USP47: variants seen among roughly 807,000 people sequenced by gnomAD.
The protein encoded by USP47 is ubiquitin carboxyl-terminal hydrolase 47.
In USP47, 35 loss-of-function variants were observed where a neutral mutation model predicts 165.1. The ratio of observed to expected loss-of-function variants is 0.21; its 90% confidence interval spans 0.16 to 0.28. The LOEUF is 0.28. Among genes scored for constraint, USP47 ranks in the 10% least tolerant of loss-of-function variants. The probability of loss-of-function intolerance (pLI) is 1.00; values close to 1 mark genes in which losing one functional copy is unlikely to be tolerated. For missense variants in USP47, 1,277 were observed against 1,607.4 expected (o/e 0.79, Z 3.52); for synonymous variants, 531 against 544.5 (o/e 0.98, Z 0.35).
intron 4 of USP47, among the ~76,000 whole-genome samples, chr11:11,894,845 A>G (rs1372781602): frequency 2.0e-5 from 3 of 152,210 alleles, no homozygotes; most frequent in Admixed American, 6.5e-5. Context: ...AAAATAAAAA[A>G]GTGAAAATAA....
rs779879932 is a variant in USP47, at chr11:11,936,392, A to G, written c.1959A>G (p.Glu653=). 11 of 1,610,674 alleles carry G rather than the reference A, an allele frequency of 6.8e-6. No individual in the cohort carries two copies. The South Asian group carries it at 8.8e-5, about 13-fold the overall frequency. ...EFHDYLERSY[E]GEEDTPMGLL... ...ATGATTATCTAGAACGGTCATATGA[A>G]GGAGAAGAAGATACACCAATGGGGC... The change falls in exon 17 of 28, where the codon GAA becomes GAG. Residue 653 remains glutamate (E), a synonymous_variant. Transcript: ENST00000527733.
intron 1 of USP47, among the ~76,000 whole-genome samples, chr11:11,863,770 A>G (rs1412552144): frequency 4.6e-5 from 7 of 151,980 alleles, no homozygotes; most frequent in Non-Finnish European, 5.9e-5. Flanking sequence ...ATTTATTTTA[A>G]TGTTTAAGTT....
At chr11:11,953,850 A>AT (rs1856378666) in intron 25 of USP47, among the ~76,000 whole-genome samples, 1 of 152,248 alleles carries the variant, frequency 6.6e-6, no homozygotes, top group Admixed American at 6.5e-5. Flanking sequence ...CAGACAATAT[A>AT]TACCTTTGAT....
chr11:11,955,904 T>G, intron 27 of USP47, 97 bp from the exon 28 acceptor site: 2 of 985,578 alleles, frequency 2.0e-6, no homozygotes, highest in South Asian at 3.8e-5. Flanking sequence ...GTAACAGATT[T>G]CATTATCTTG....
At position 11,892,116 on chromosome 11, in the gene USP47, G is replaced by A; in HGVS notation, c.496+10G>A. On this transcript the variant is annotated intron_variant, in intron 4 of 27. Coordinates refer to ENST00000527733, the MANE Select transcript of USP47 (RefSeq NM_001282659.2). ...AATAAATCAGAAACTGGTAAGATTT[G>A]TTGTATTTTCATAAAATCATAGGGC... The A allele has an allele frequency of 6.2e-7, 1 of 1,609,524 alleles. No individual in the cohort carries two copies. Among genetic ancestry groups the A allele is most frequent in the Non-Finnish European group, 8.5e-7 (1 of 1,178,182 alleles).
At chr11:11,860,959 C>G (rs778519713) in intron 1 of USP47, among the ~76,000 whole-genome samples, 91 of 152,194 alleles carry the variant, frequency 6.0e-4, no homozygotes, top group Non-Finnish European at 1.1e-3. Flanking sequence ...CATCAGAAGG[C>G]CTCTGTTATT....
At chr11:11,913,900 A>G (rs1162285583) in intron 8 of USP47, among the ~76,000 whole-genome samples, 1 of 152,116 alleles carries the variant, frequency 6.6e-6, no homozygotes, top group Non-Finnish European at 1.5e-5. Flanking sequence ...GTGTCAAAAA[A>G]ACTTTGAAAA....
Position 11,880,204 on chromosome 11 carries a change from G to T in USP47, c.67G>T (p.Val23Phe), listed in dbSNP as rs1407846384. ...AGAAAATGCTGCTGAAGAACCTAGA[G>T]TCTTATGTATTATACAAGATACTAC... ...EIENAAEEPRVLCIIQDTTNS... is the reference protein window; with the variant it reads ...EIENAAEEPRFLCIIQDTTNS... Residue 23 changes from valine (V) to phenylalanine (F), a missense_variant, in exon 2 of 28, where the codon GTC becomes TTC. Transcript: ENST00000527733. 2 of 1,475,964 alleles carry T rather than the reference G, an allele frequency of 1.4e-6. No homozygotes were observed. Among genetic ancestry groups the T allele is most frequent in the African/African-American group, 1.5e-5 (1 of 68,494 alleles). The allele number at this position is 1,475,964 out of a possible 1,614,324, so 91.4% of individuals were successfully genotyped here.
intron 11 of USP47, 108 bp from the exon 12 acceptor site, chr11:11,929,326 G>A (rs1854484556): frequency 6.9e-7 from 1 of 1,455,004 alleles, no homozygotes; most frequent in Non-Finnish European, 9.2e-7. Flanking sequence ...GTAATATATA[G>A]GACAACTTAC....
chr11:11,930,354 G>T (rs1410411728), intron 13 of USP47, among the ~76,000 whole-genome samples: 1 of 152,118 alleles, frequency 6.6e-6, no homozygotes, highest in African/African-American at 2.4e-5. Flanking sequence ...TTGCAGCACA[G>T]ACCATATGGC....
At chr11:11,954,420 C>T (rs2134904700) in intron 25 of USP47, among the ~76,000 whole-genome samples, 2 of 152,160 alleles carry the variant, frequency 1.3e-5, no homozygotes, top group South Asian at 4.2e-4. Context: ...CAAGCACATG[C>T]CACCACGCCC....
At chr11:11,932,321 A>G (rs1435416625) in intron 14 of USP47, among the ~76,000 whole-genome samples, 2 of 152,216 alleles carry the variant, frequency 1.3e-5, no homozygotes, top group Non-Finnish European at 2.9e-5. Context: ...ATTCCAATTC[A>G]ACATGAGATT....
intron 5 of USP47, among the ~76,000 whole-genome samples, chr11:11,899,245 A>G (rs1852038912): frequency 6.6e-6 from 1 of 152,224 alleles, no homozygotes; most frequent in Admixed American, 6.5e-5. Flanking sequence ...TGCCTGTTTT[A>G]GGGAGTATGC....
chr11:11,897,503 C>A, intron 4 of USP47, 94 bp from the exon 5 acceptor site: 2 of 953,990 alleles, frequency 2.1e-6, no homozygotes, highest in Non-Finnish European at 3.1e-6. Flanking sequence ...TAACTTTAAC[C>A]TCTGAATCTT....
At chr11:11,899,920 A>G (rs1002463171) in intron 5 of USP47, among the ~76,000 whole-genome samples, 1 of 152,066 alleles carries the variant, frequency 6.6e-6, no homozygotes, top group African/African-American at 2.4e-5. Context: ...GCTAGTGGAA[A>G]AGGATAGACT....
chr11:11,845,021 A>C (rs1848349828), intron 1 of USP47, among the ~76,000 whole-genome samples: 2 of 152,192 alleles, frequency 1.3e-5, no homozygotes, highest in Admixed American at 6.5e-5. Context: ...TTGTTGAAGA[A>C]AAAAAGTCAA....
In USP47 at chr11:11,950,507, A is replaced by G. The variant is rs11022090; in HGVS notation, c.3583+25A>G. On this transcript the variant is annotated intron_variant, in intron 24 of 27. Coordinates refer to ENST00000527733, the MANE Select transcript of USP47 (RefSeq NM_001282659.2). ...GGTATTTTCAATATTTTTGGGGGGAAGTATCAGTTAGAAATACTCTAGAAC... is the reference window on the plus strand; with the variant it reads ...GGTATTTTCAATATTTTTGGGGGGAGGTATCAGTTAGAAATACTCTAGAAC... 0.3 allele frequency: 449,989 copies of G among 1,482,284 alleles called. 71,506 individuals are homozygous for G. The highest frequency in any genetic ancestry group is 0.33 in the Non-Finnish European group (354,169 of 1,074,684). 91.8% of individuals were successfully genotyped at this position (1,482,284 alleles called of 1,614,324 possible). A position where few individuals can be genotyped will look rare whatever the true frequency, so the allele number is the denominator to read the frequency against.
At chr11:11,865,418 A>G (rs1564855522) in intron 1 of USP47, among the ~76,000 whole-genome samples, 1 of 151,076 alleles carries the variant, frequency 6.6e-6, no homozygotes, top group East Asian at 1.9e-4. Flanking sequence ...TTCTTTTGTC[A>G]TCTTCATTCT....
At position 11,958,870 on chromosome 11, in the gene USP47, C is replaced by T. The variant is rs1847333987; in HGVS notation, c.*2695C>T. 1 of 152,032 alleles carries T rather than the reference C, an allele frequency of 6.6e-6. No homozygotes were observed. The highest frequency in any genetic ancestry group is 6.5e-5 in the Admixed American group (1 of 15,276). 9.4% of individuals were successfully genotyped at this position (152,032 alleles called of 1,614,324 possible). On this transcript the variant is annotated 3_prime_UTR_variant, in exon 28 of 28. Coordinates refer to ENST00000527733, the MANE Select transcript of USP47 (RefSeq NM_001282659.2). Reference sequence around the variant, plus strand: ...CAGCCTTCACACTAGAGTGTTTGGTCATCTCTTATAATGTAAGGGAAGGTA... The same window carrying T: ...CAGCCTTCACACTAGAGTGTTTGGTTATCTCTTATAATGTAAGGGAAGGTA...
Sources: gnomAD v4.1 joint callset for allele counts (sites outside exome capture counted in the v4.1 genomes callset) on GRCh38, gnomAD v4.1.1 for gene constraint, MANE v1.5 for transcripts, NCBI Gene and HGNC (gene_info 2026-07-23, HGNC 2026-07-21) for gene names.